The following CHRM3 variants were observed in gnomAD, a reference collection of about 807,000 sequenced individuals.
CHRM3 encodes the protein cholinergic receptor muscarinic 3.
CHRM3 carries 11 observed loss-of-function variants against 41.8 expected under a neutral mutation model. That is an observed-to-expected ratio of 0.26 (90% confidence interval 0.17 to 0.44). The LOEUF is 0.44. CHRM3 is among the 20% of genes least tolerant of loss of function. The pLI is 1.00. For synonymous variants in CHRM3, 297 were observed against 301.4 expected, an observed-to-expected ratio of 0.99 and a Z score of 0.15; for missense variants, 571 against 745.4, an observed-to-expected ratio of 0.77 and a Z score of 2.72.
chr1:239,475,100 C>A (rs1428976272), intron 1 of CHRM3, among the ~76,000 whole-genome samples: 1 of 151,630 alleles, frequency 6.6e-6, no homozygotes, highest in Non-Finnish European at 1.5e-5. Flanking sequence ...CTGTGAAGAA[C>A]AAAAAACAAT....
intron 4 of CHRM3, among the ~76,000 whole-genome samples, chr1:239,650,736 A>T (rs1274578531): frequency 6.6e-6 from 1 of 152,228 alleles, no homozygotes; most frequent in East Asian, 1.9e-4. Flanking sequence ...ATACAAGAGC[A>T]AATATCTGCA....
intron 5 of CHRM3, among the ~76,000 whole-genome samples, chr1:239,679,411 A>T (rs76031273): frequency 6.6e-6 from 1 of 152,234 alleles, no homozygotes; most frequent in African/African-American, 2.4e-5. Context: ...ACTACTTAAC[A>T]ATGGCCTTGG....
At chr1:239,470,375 A>C (rs769298538) in intron 1 of CHRM3, among the ~76,000 whole-genome samples, 1 of 152,202 alleles carries the variant, frequency 6.6e-6, no homozygotes, top group African/African-American at 2.4e-5. Flanking sequence ...GAAAGGATAC[A>C]TTTCTGTTGT....
intron 2 of CHRM3, among the ~76,000 whole-genome samples, chr1:239,510,903 ACCT>A (rs66490464): frequency 0.24 from 36,675 of 151,576 alleles, 5,056 homozygotes; most frequent in Middle Eastern, 0.39. Context: ...GCAATTGAAA[ACCT>A]CCTAATAAAT....
intron 1 of CHRM3, among the ~76,000 whole-genome samples, chr1:239,484,158 C>T (rs1279130437): frequency 2.0e-5 from 3 of 152,232 alleles, no homozygotes; most frequent in Admixed American, 6.5e-5. Flanking sequence ...GAGGTTTAAT[C>T]GTTCACGGTT....
intron 2 of CHRM3, among the ~76,000 whole-genome samples, chr1:239,535,740 A>T (rs1658134807): frequency 3.3e-5 from 5 of 151,754 alleles, no homozygotes; most frequent in African/African-American, 1.2e-4. Flanking sequence ...TGCTCTTGAA[A>T]CTTCTGAAGC....
At chr1:239,719,845 C>T (rs1662760194) in intron 5 of CHRM3, among the ~76,000 whole-genome samples, 1 of 151,978 alleles carries the variant, frequency 6.6e-6, no homozygotes, top group Admixed American at 6.6e-5. Context: ...CACATCCTTC[C>T]TGCTGCCTGT....
At chr1:239,507,033 C>T (rs932836493) in intron 2 of CHRM3, among the ~76,000 whole-genome samples, 3 of 152,138 alleles carry the variant, frequency 2.0e-5, no homozygotes, top group Admixed American at 6.5e-5. Flanking sequence ...TAGGAAGTAA[C>T]TAACTTCCTT....
intron 5 of CHRM3, among the ~76,000 whole-genome samples, chr1:239,817,718 A>ACACACACT (rs1671706866): frequency 6.6e-6 from 1 of 152,046 alleles, no homozygotes; most frequent in Non-Finnish European, 1.5e-5. Flanking sequence ...ACACTCGCAC[A>ACACACACT]GATCTCTAAG....
rs370197073 is a variant in CHRM3, at chr1:239,461,856, C to T, written c.-520-30853C>T. Among the ~76,000 whole-genome samples, 47 of 152,114 alleles carry T rather than the reference C, an allele frequency of 3.1e-4. No individual in the cohort carries two copies. The East Asian group carries it at 7.8e-3, about 25-fold the overall frequency. Reference sequence around the variant, plus strand: ...TGTTGGTTGGTTACATTCTGCCCTCCTTTCCTTCATCATCTCCCTTCTGAC... The same window carrying T: ...TGTTGGTTGGTTACATTCTGCCCTCTTTTCCTTCATCATCTCCCTTCTGAC... On this transcript the variant is annotated intron_variant, in intron 1 of 6. Transcript: ENST00000676153.
At chr1:239,516,060 G>GCT (rs774840593) in intron 2 of CHRM3, among the ~76,000 whole-genome samples, 2 of 151,252 alleles carry the variant, frequency 1.3e-5, no homozygotes, top group African/African-American at 4.9e-5. Flanking sequence ...TCTCTTTCTC[G>GCT]CTCTCTCTCA....
chr1:239,389,511 A>G (rs1558183968), intron 1 of CHRM3, among the ~76,000 whole-genome samples: 2 of 152,218 alleles, frequency 1.3e-5, no homozygotes, highest in South Asian at 2.1e-4. Context: ...TTTGTTATAA[A>G]TTAGAGTATG....
At chr1:239,599,305 A>G (rs979433742) in intron 3 of CHRM3, among the ~76,000 whole-genome samples, 2 of 151,972 alleles carry the variant, frequency 1.3e-5, no homozygotes, top group Non-Finnish European at 2.9e-5. Context: ...GCTCTCCCTC[A>G]TAGTTTCTAT....
chr1:239,422,576 A>T (rs12125061), intron 1 of CHRM3, among the ~76,000 whole-genome samples: 1 of 151,888 alleles, frequency 6.6e-6, no homozygotes, highest in East Asian at 1.9e-4. Flanking sequence ...CAGGCGGATC[A>T]TGAGGTCAGG....
chr1:239,404,716 CTAAA>C (rs1468840376), intron 1 of CHRM3, among the ~76,000 whole-genome samples: 3 of 24,904 alleles, frequency 1.2e-4, no homozygotes, highest in African/African-American at 3.0e-4. Context: ...CATGCTATAT[CTAAA>C]TATATATATA....
At chr1:239,887,503 G>T (rs560293081) in intron 6 of CHRM3, among the ~76,000 whole-genome samples, 2 of 152,176 alleles carry the variant, frequency 1.3e-5, no homozygotes, top group Non-Finnish European at 2.9e-5. Context: ...GATTACAGGC[G>T]TGAGCCATGG....
At chr1:239,846,653 G>A (rs1378424079) in intron 6 of CHRM3, among the ~76,000 whole-genome samples, 1 of 152,154 alleles carries the variant, frequency 6.6e-6, no homozygotes, top group Non-Finnish European at 1.5e-5. Flanking sequence ...TGTGAGGAAG[G>A]AATACCCAAG....
chr1:239,866,168 G>A (rs1676078329), intron 6 of CHRM3, among the ~76,000 whole-genome samples: 1 of 152,106 alleles, frequency 6.6e-6, no homozygotes, highest in South Asian at 2.1e-4. Context: ...ACAAGATCAG[G>A]AGATCCAGAC....
At chr1:239,528,106 C>T (rs1027689768) in intron 2 of CHRM3, among the ~76,000 whole-genome samples, 6 of 152,084 alleles carry the variant, frequency 3.9e-5, no homozygotes, top group South Asian at 4.1e-4. Context: ...TTTTAGTAAA[C>T]GAAAGGTTGC....
Sources: allele counts gnomAD v4.1 joint callset (sites outside exome capture counted in the v4.1 genomes callset), GRCh38; gene constraint gnomAD v4.1.1; transcripts MANE v1.5; gene names NCBI Gene and HGNC (gene_info 2026-07-23, HGNC 2026-07-21).